RAD23B: variants seen among roughly 807,000 people sequenced by gnomAD.
RAD23B encodes the protein RAD23 nucleotide excision repair protein B, also known as lysine-specific demethylase RAD23B.
RAD23B carries 5 observed loss-of-function variants against 49.1 expected under a neutral mutation model. The observed-to-expected ratio is 0.10, with a 90% CI of 0.05 to 0.21. The LOEUF (loss-of-function observed/expected upper bound fraction) is 0.21, where lower values mean the gene tolerates loss of function less well. RAD23B is among the 10% of genes least tolerant of loss of function. The pLI is 1.00. For synonymous variants in RAD23B, 184 were observed against 165.4 expected (o/e 1.11, Z -0.86); for missense variants, 356 against 486.7 (o/e 0.73, Z 2.53).
At chr9:107,294,818 C>G (rs768679702) in intron 1 of RAD23B, among the ~76,000 whole-genome samples, 2 of 151,958 alleles carry the variant, frequency 1.3e-5, no homozygotes, top group African/African-American at 2.4e-5. Flanking sequence ...GGAGTAGACA[C>G]GATGGATTAT....
intron 1 of RAD23B, among the ~76,000 whole-genome samples, chr9:107,296,103 G>A (rs183948461): frequency 1.3e-5 from 2 of 152,276 alleles, no homozygotes; most frequent in East Asian, 3.9e-4. Context: ...AGCCTGTAGG[G>A]TTCTGTAAGT....
chr9:107,294,595 A>T (rs1341991799), intron 1 of RAD23B, among the ~76,000 whole-genome samples: 2 of 152,244 alleles, frequency 1.3e-5, no homozygotes, highest in Non-Finnish European at 2.9e-5. Context: ...CTTTCTTGCT[A>T]ATCTGTTTTG....
intron 1 of RAD23B, among the ~76,000 whole-genome samples, chr9:107,294,946 T>G (rs1826468489): frequency 1.3e-5 from 2 of 152,042 alleles, no homozygotes; most frequent in South Asian, 2.1e-4. Flanking sequence ...GATGGCAGTA[T>G]GTAAAGGAGG....
At chr9:107,288,699 A>C (rs1238960760) in intron 1 of RAD23B, among the ~76,000 whole-genome samples, 1 of 152,096 alleles carries the variant, frequency 6.6e-6, no homozygotes, top group Non-Finnish European at 1.5e-5. Context: ...CTGGGTGGCT[A>C]CTTTTAAATT....
At chr9:107,310,802 C>T (rs1322010386) in intron 4 of RAD23B, among the ~76,000 whole-genome samples, 3 of 152,120 alleles carry the variant, frequency 2.0e-5, no homozygotes, top group South Asian at 2.1e-4. Context: ...GTATATGATA[C>T]GGTCGTTGAC....
At chr9:107,305,935 C>A (rs1464258030) in intron 3 of RAD23B, among the ~76,000 whole-genome samples, 3 of 151,160 alleles carry the variant, frequency 2.0e-5, no homozygotes, top group Admixed American at 6.6e-5. Flanking sequence ...GGTAGCAAGA[C>A]CCTGTCTTTA....
At chr9:107,321,892 C>A in intron 6 of RAD23B, 91 bp from the exon 7 acceptor site, 1 of 1,262,994 alleles carries the variant, frequency 7.9e-7, no homozygotes, top group Non-Finnish European at 1.0e-6. Context: ...GAAAATCAAA[C>A]AAGATGTTAA....
In RAD23B at chr9:107,283,445, C is replaced by T. The variant is rs978821895; in HGVS notation, c.-185C>T. 2.0e-5 allele frequency: 9 copies of T among 442,854 alleles called. No individual in the cohort carries two copies. Among genetic ancestry groups the T allele is most frequent in the Admixed American group, 4.4e-5 (1 of 22,780 alleles). The allele number at this position is 442,854 out of a possible 1,614,324, so 27.4% of individuals were successfully genotyped here. Reference sequence around the variant, plus strand: ...GGCCGCAGTCGCGGAGGCAGCGGCGCGGTCCGGGGCACGGGCTGGGGGAGA... The same window carrying T: ...GGCCGCAGTCGCGGAGGCAGCGGCGTGGTCCGGGGCACGGGCTGGGGGAGA... On this transcript the variant is annotated 5_prime_UTR_variant, in exon 1 of 10. Coordinates refer to ENST00000358015, the MANE Select transcript of RAD23B (RefSeq NM_002874.5).
intron 5 of RAD23B, among the ~76,000 whole-genome samples, chr9:107,316,917 T>C (rs958220058): frequency 6.6e-6 from 1 of 151,776 alleles, no homozygotes; most frequent in Non-Finnish European, 1.5e-5. Flanking sequence ...CTTTTAAATA[T>C]GGAACTGAAG....
At position 107,330,106 on chromosome 9, in the gene RAD23B, T is replaced by G. The variant is rs918986071; in HGVS notation, c.*450T>G. On this transcript the variant is annotated 3_prime_UTR_variant, in exon 10 of 10. Transcript: ENST00000358015. This position sits in a 1 kb window ranked among gnomAD's most constrained non-coding sequence, Gnocchi z 4.4. ...AATGGCTTTGTGAAATTTAAAAAAT[T>G]TTTGTAGCGACTGTAAACAGAAATG... 1.3e-5 allele frequency: 2 copies of G among 152,702 alleles called. No individual in the cohort carries two copies. The highest frequency in any genetic ancestry group is 4.8e-5 in the African/African-American group (2 of 41,462). The allele number at this position is 152,702 out of a possible 1,614,324, so 9.5% of individuals were successfully genotyped here. A position where few individuals can be genotyped will look rare whatever the true frequency, so the allele number is the denominator to read the frequency against.
intron 1 of RAD23B, chr9:107,283,949 C>A (rs1047428921): frequency 7.5e-5 from 84 of 1,118,408 alleles, no homozygotes; most frequent in Non-Finnish European, 8.7e-5. Context: ...GGAGCGCACG[C>A]CCGCGGGCCT....
At chr9:107,303,700 T>C (rs1454837144) in intron 3 of RAD23B, among the ~76,000 whole-genome samples, 2 of 152,212 alleles carry the variant, frequency 1.3e-5, no homozygotes, top group African/African-American at 2.4e-5. Context: ...GTCTATGTTA[T>C]AGCTTGTGCC....
intron 9 of RAD23B, among the ~76,000 whole-genome samples, chr9:107,325,732 T>G (rs1466078429): frequency 1.3e-5 from 2 of 152,330 alleles, no homozygotes; most frequent in African/African-American, 4.8e-5. Flanking sequence ...TACCTTTTAT[T>G]TCTTTGTCTT....
At chr9:107,294,248 T>C (rs1833443897) in intron 1 of RAD23B, among the ~76,000 whole-genome samples, 1 of 152,204 alleles carries the variant, frequency 6.6e-6, no homozygotes, top group South Asian at 2.1e-4. Flanking sequence ...AAATGCACGA[T>C]TTTTTAAGAG....
chr9:107,305,756 A>T (rs1448968755), intron 3 of RAD23B, among the ~76,000 whole-genome samples: 2 of 152,076 alleles, frequency 1.3e-5, no homozygotes, highest in Non-Finnish European at 2.9e-5. Context: ...TCTTCTAAAA[A>T]TACAGTACAA....
chr9:107,313,299 C>G (rs904464732), intron 5 of RAD23B, among the ~76,000 whole-genome samples: 3 of 152,064 alleles, frequency 2.0e-5, no homozygotes, highest in African/African-American at 7.2e-5. Flanking sequence ...GATCTCAGCT[C>G]ACTGCAACCT....
At chr9:107,296,487 G>A (rs1439407669) in intron 1 of RAD23B, among the ~76,000 whole-genome samples, 1 of 152,074 alleles carries the variant, frequency 6.6e-6, no homozygotes, top group East Asian at 1.9e-4. Flanking sequence ...CTGTGACTGT[G>A]TAATTGTGAA....
intron 6 of RAD23B, among the ~76,000 whole-genome samples, chr9:107,319,789 T>C (rs1404225493): frequency 1.3e-5 from 2 of 152,172 alleles, no homozygotes; most frequent in Non-Finnish European, 2.9e-5. Flanking sequence ...TTTTGAGAAA[T>C]AGGTTGTTGT....
chr9:107,316,941 C>T (rs1827009626), intron 5 of RAD23B, among the ~76,000 whole-genome samples: 1 of 152,028 alleles, frequency 6.6e-6, no homozygotes, highest in Non-Finnish European at 1.5e-5. Context: ...GTTGAAGGAA[C>T]TGGCCATCTA....
Sources: allele counts gnomAD v4.1 joint callset (sites outside exome capture counted in the v4.1 genomes callset), GRCh38; gene constraint gnomAD v4.1.1; non-coding constraint Gnocchi (gnomAD v3.1); transcripts MANE v1.5; gene names NCBI Gene and HGNC (gene_info 2026-07-23, HGNC 2026-07-21).